CRPPA: variants seen among roughly 807,000 people sequenced by gnomAD.
CRPPA encodes the protein CDP-L-ribitol pyrophosphorylase A.
CRPPA carries 43 observed loss-of-function variants against 52.0 expected under a neutral mutation model. The ratio of observed to expected loss-of-function variants is 0.83; its 90% CI spans 0.65 to 1.07. CRPPA has a LOEUF of 1.07. Ranked by LOEUF, CRPPA falls within the 50% of genes least tolerant of loss-of-function variation. CRPPA has a pLI of 0.00. For missense variants in CRPPA, 629 were observed against 551.7 expected (o/e 1.14, Z -1.40); for synonymous variants, 250 against 203.5 (o/e 1.23, Z -1.94).
intron 1 of CRPPA, among the ~76,000 whole-genome samples, chr7:16,419,940 C>T (rs904031168): frequency 1.3e-5 from 2 of 152,204 alleles, no homozygotes; most frequent in Non-Finnish European, 2.9e-5. Flanking sequence ...ACAGCCGACT[C>T]TGCGTGAATT....
chr7:16,115,038 A>G (rs1333850480), intron 9 of CRPPA, among the ~76,000 whole-genome samples: 4 of 152,100 alleles, frequency 2.6e-5, no homozygotes. Context: ...AACTATGTTA[A>G]TGTTTCACGC....
intron 9 of CRPPA, among the ~76,000 whole-genome samples, chr7:16,215,406 C>A (rs1030243057): frequency 6.6e-6 from 1 of 152,172 alleles, no homozygotes; most frequent in Non-Finnish European, 1.5e-5. Flanking sequence ...TTTCCAAATT[C>A]TTTGTTTTAA....
chr7:16,263,582 G>A (rs186539523), intron 6 of CRPPA, among the ~76,000 whole-genome samples: 20 of 151,940 alleles, frequency 1.3e-4, no homozygotes, highest in South Asian at 2.1e-4. Flanking sequence ...TGAAACCCCC[G>A]TCTCTACTAA....
At chr7:16,336,962 T>C (rs779909655) in intron 3 of CRPPA, among the ~76,000 whole-genome samples, 1 of 152,086 alleles carries the variant, frequency 6.6e-6, no homozygotes, top group Non-Finnish European at 1.5e-5. Flanking sequence ...CATTCAACCT[T>C]GGAGCACCTA....
chr7:16,118,982 T>C (rs1782431663), intron 9 of CRPPA, among the ~76,000 whole-genome samples: 1 of 152,074 alleles, frequency 6.6e-6, no homozygotes, highest in Admixed American at 6.6e-5. Context: ...AGGATGAGGC[T>C]GCCCTCATCC....
Position 16,288,845 on chromosome 7 carries a change from C to CAAA in CRPPA, c.836-10622_836-10620dup, listed in dbSNP as rs71007760. Among the ~76,000 whole-genome samples, 292 of 34,704 alleles carry CAAA rather than the reference C, an allele frequency of 8.4e-3. 32 individuals are homozygous for CAAA. The highest frequency in any genetic ancestry group is 0.028 in the Middle Eastern group (1 of 36). The allele number at this position is 34,704 out of a possible 152,430, so 22.8% of individuals were successfully genotyped here. A position where few individuals can be genotyped will look rare whatever the true frequency, so the allele number is the denominator to read the frequency against. The stretch of plus-strand genomic sequence containing the variant: ...TGGGCAACGGAGTGAGACTCTGCCT[C>CAAA]AAAAAAAAAAAAAAAAAAAAAAAAT... On this transcript the variant is annotated intron_variant, in intron 5 of 9. Transcript: ENST00000407010.
intron 3 of CRPPA, among the ~76,000 whole-genome samples, chr7:16,356,661 G>T (rs1786303655): frequency 6.6e-6 from 1 of 152,032 alleles, no homozygotes; most frequent in Non-Finnish European, 1.5e-5. Flanking sequence ...TTCAGTTCTG[G>T]GATTGCCATT....
intron 3 of CRPPA, among the ~76,000 whole-genome samples, chr7:16,354,539 G>A (rs192986085): frequency 6.6e-6 from 1 of 152,102 alleles, no homozygotes; most frequent in Non-Finnish European, 1.5e-5. Flanking sequence ...GCCTAATGAG[G>A]CTTTGGACAC....
chr7:16,303,499 A>AAAAAAAAAAAAAAAAAAAAC (rs1562619571), intron 4 of CRPPA, among the ~76,000 whole-genome samples: 11 of 148,460 alleles, frequency 7.4e-5, no homozygotes, highest in African/African-American at 2.5e-4. Context: ...AAAAAAAAAA[A>AAAAAAAAAAAAAAAAAAAAC]AAAACTTTCA....
At chr7:16,195,425 A>C (rs10252757) in intron 9 of CRPPA, among the ~76,000 whole-genome samples, 4,270 of 152,144 alleles carry the variant, frequency 0.028, 200 homozygotes, top group African/African-American at 0.098. Context: ...TAGCCCAGGA[A>C]ACAATCTATC....
At chr7:16,303,795 T>A (rs1188405941) in intron 4 of CRPPA, among the ~76,000 whole-genome samples, 1 of 152,208 alleles carries the variant, frequency 6.6e-6, no homozygotes, top group Non-Finnish European at 1.5e-5. Flanking sequence ...AGAGACTACT[T>A]TGTTTCTTTT....
At chr7:16,383,981 G>A (rs148064662) in intron 2 of CRPPA, among the ~76,000 whole-genome samples, 2,664 of 152,272 alleles carry the variant, frequency 0.017, 60 homozygotes, top group African/African-American at 0.049. Context: ...GCTTTGGCTC[G>A]CGCACGGTGC....
chr7:16,150,071 T>C (rs149402380), intron 9 of CRPPA, among the ~76,000 whole-genome samples: 4 of 152,000 alleles, frequency 2.6e-5, no homozygotes, highest in African/African-American at 7.2e-5. Context: ...CATTGAGACA[T>C]TATGTGTACA....
At chr7:16,131,274 G>T (rs564587473) in intron 9 of CRPPA, among the ~76,000 whole-genome samples, 5 of 152,236 alleles carry the variant, frequency 3.3e-5, no homozygotes, top group African/African-American at 1.2e-4. Context: ...ACCATTAGAG[G>T]CAATTTTAGA....
intron 8 of CRPPA, among the ~76,000 whole-genome samples, chr7:16,256,887 T>G (rs539744543): frequency 6.6e-6 from 1 of 152,244 alleles, no homozygotes; most frequent in Non-Finnish European, 1.5e-5. Flanking sequence ...ATTGTGCACA[T>G]GTACCCCAGA....
At chr7:16,288,665 G>A (rs989753895) in intron 5 of CRPPA, among the ~76,000 whole-genome samples, 22 of 151,598 alleles carry the variant, frequency 1.5e-4, no homozygotes, top group Non-Finnish European at 5.9e-5. Flanking sequence ...GGCCAACATG[G>A]TGAGACCCCC....
At chr7:16,242,778 AT>A (rs962346344) in intron 8 of CRPPA, among the ~76,000 whole-genome samples, 1 of 151,682 alleles carries the variant, frequency 6.6e-6, no homozygotes, top group Non-Finnish European at 1.5e-5. Flanking sequence ...TTAAAAAAAA[AT>A]TTTTTTCACC....
intron 9 of CRPPA, among the ~76,000 whole-genome samples, chr7:16,139,050 C>A (rs187466780): frequency 1.2e-3 from 186 of 152,286 alleles, no homozygotes; most frequent in Non-Finnish European, 2.4e-3. Flanking sequence ...GATCCACCCA[C>A]CTCAGCCTCC....
At chr7:16,200,281 C>G (rs1298969486) in intron 9 of CRPPA, among the ~76,000 whole-genome samples, 1 of 152,212 alleles carries the variant, frequency 6.6e-6, no homozygotes, top group Non-Finnish European at 1.5e-5. Context: ...TGCTTACATA[C>G]TAAGTGACTT....
Sources: allele counts gnomAD v4.1 joint callset (sites outside exome capture counted in the v4.1 genomes callset), GRCh38; gene constraint gnomAD v4.1.1; transcripts MANE v1.5; gene names NCBI Gene and HGNC (gene_info 2026-07-23, HGNC 2026-07-21).